WDR41: variants seen among roughly 807,000 people sequenced by gnomAD.
WDR41 encodes the protein WD repeat-containing protein 41.
Under a neutral mutation model 69.3 loss-of-function variants are expected in WDR41, and 63 were observed. The observed-to-expected ratio is 0.91, with a 90% CI of 0.74 to 1.12. WDR41 has a LOEUF of 1.12. Ranked by LOEUF, WDR41 falls within the 50% of genes most tolerant of loss-of-function variation. The pLI, the probability that WDR41 is intolerant of heterozygous loss-of-function variation, is 0.00. For synonymous variants in WDR41, 185 were observed against 192.1 expected, an observed-to-expected ratio of 0.96 and a Z score of 0.31; for missense variants, 543 against 534.5, an observed-to-expected ratio of 1.02 and a Z score of -0.16.
chr5:77,613,765 C>T (rs960724652), intron 1 of WDR41, among the ~76,000 whole-genome samples: 9 of 152,216 alleles, frequency 5.9e-5, no homozygotes, highest in Non-Finnish European at 1.3e-4. Context: ...ACACCAAAAG[C>T]AATGGCAACA....
At chr5:77,594,719 C>T (rs763606360) in intron 1 of WDR41, among the ~76,000 whole-genome samples, 3 of 152,252 alleles carry the variant, frequency 2.0e-5, no homozygotes, top group South Asian at 4.1e-4. Context: ...CGTAACAGAG[C>T]CCTTCACTGT....
At chr5:77,512,449 G>A (rs1180413889) in intron 1 of WDR41, among the ~76,000 whole-genome samples, 1 of 150,816 alleles carries the variant, frequency 6.6e-6, no homozygotes, top group African/African-American at 2.4e-5. Context: ...AAAGTCTTTG[G>A]ACATAAAATT....
At chr5:77,475,239 G>A (rs1292400440) in intron 2 of WDR41, among the ~76,000 whole-genome samples, 3 of 152,210 alleles carry the variant, frequency 2.0e-5, no homozygotes, top group Non-Finnish European at 4.4e-5. Context: ...CAGGCTGGGG[G>A]AGGGGCGCCC....
At chr5:77,500,633 A>G (rs146993857) in intron 1 of WDR41, among the ~76,000 whole-genome samples, 76 of 152,306 alleles carry the variant, frequency 5.0e-4, no homozygotes, top group African/African-American at 1.7e-3. Context: ...TTCAAGCTCA[A>G]ATAGGTAACC....
chr5:77,509,322 C>T (rs1802160517), intron 1 of WDR41, among the ~76,000 whole-genome samples: 1 of 152,086 alleles, frequency 6.6e-6, no homozygotes, highest in Non-Finnish European at 1.5e-5. Flanking sequence ...TGGAATTCCC[C>T]TTTGAATTCC....
chr5:77,489,391 T>C, intron 2 of WDR41, 66 bp downstream of exon 2: 1 of 912,220 alleles, frequency 1.1e-6, no homozygotes, highest in South Asian at 2.0e-5. Flanking sequence ...TTTAAAGGTG[T>C]TTAACATAAA....
intron 1 of WDR41, among the ~76,000 whole-genome samples, chr5:77,557,859 G>A (rs1164632758): frequency 6.6e-6 from 1 of 152,074 alleles, no homozygotes; most frequent in African/African-American, 2.4e-5. Flanking sequence ...TTAGGTGAGA[G>A]TTAAAAGTAA....
intron 1 of WDR41, chr5:77,499,250 G>A (rs1801982090): frequency 6.6e-6 from 1 of 152,228 alleles, no homozygotes; most frequent in Non-Finnish European, 1.5e-5. Context: ...TTTTTCTTCA[G>A]CAGCTTCCCC....
At chr5:77,462,000 T>C (rs927829247) in intron 4 of WDR41, among the ~76,000 whole-genome samples, 1 of 152,216 alleles carries the variant, frequency 6.6e-6, no homozygotes, top group African/African-American at 2.4e-5. Context: ...AGTGCAGTGG[T>C]TCGGGGCTCT....
chr5:77,433,235 A>G lies in WDR41; in HGVS notation c.1280T>C (p.Leu427Pro). The change falls in exon 13 of 13, where the codon CTC becomes CCC. Residue 427 changes from leucine (L) to proline (P), a missense_variant. Coordinates refer to ENST00000296679, the MANE Select transcript of WDR41 (RefSeq NM_018268.4). ...HGLVTCSADH[L>P]IILWKNGERE... ...CTCTCCATTTTTCCACAAAATAATGAGATGATCAGCGGAGCACGTCACTAG... is the reference window on the plus strand; with the variant it reads ...CTCTCCATTTTTCCACAAAATAATGGGATGATCAGCGGAGCACGTCACTAG... 1 of 1,614,066 alleles carries G rather than the reference A, an allele frequency of 6.2e-7. No homozygotes were observed. Among genetic ancestry groups the G allele is most frequent in the Non-Finnish European group, 8.5e-7 (1 of 1,179,944 alleles).
At chr5:77,459,170 T>C (rs746457964) in intron 4 of WDR41, 46 bp from the exon 5 acceptor site, 2 of 1,382,152 alleles carry the variant, frequency 1.4e-6, no homozygotes, top group Non-Finnish European at 2.0e-6. Context: ...TTTTAAAATC[T>C]TAATTATAAC....
intron 9 of WDR41, among the ~76,000 whole-genome samples, chr5:77,439,203 T>C (rs1253133191): frequency 1.3e-5 from 2 of 152,142 alleles, no homozygotes; most frequent in African/African-American, 4.8e-5. Flanking sequence ...TCAATAGATA[T>C]CCCCATGAGG....
At position 77,463,129 on chromosome 5, in the gene WDR41, A is replaced by T; in HGVS notation, c.314T>A (p.Leu105His). The T allele has an allele frequency of 6.2e-7, 1 of 1,612,536 alleles. No individual in the cohort carries two copies. The highest frequency in any genetic ancestry group is 8.5e-7 in the Non-Finnish European group (1 of 1,179,328). The change falls in exon 4 of 13, where the codon CTC (leucine) becomes CAC (histidine). Residue 105 changes from leucine (L) to histidine (H), a missense_variant. By Grantham distance (99) the Leu-to-His change is moderately conservative (BLOSUM62 -3). Coordinates refer to ENST00000296679, the MANE Select transcript of WDR41 (RefSeq NM_018268.4). ...TCTATCAGCAGAGGCTGTCAAGATG[A>T]GTTGATTTTTCTCTTCACAAGATTC... ...SLESCEEKNQ[L>H]ILTASADRTV...
At chr5:77,583,349 TAA>T (rs773427037) in intron 1 of WDR41, among the ~76,000 whole-genome samples, 13 of 136,758 alleles carry the variant, frequency 9.5e-5, no homozygotes, top group East Asian at 2.1e-4. Flanking sequence ...ACTCCATCTC[TAA>T]AAAAAAAAAA....
At chr5:77,536,362 A>G (rs1198124984) in intron 1 of WDR41, among the ~76,000 whole-genome samples, 1 of 152,082 alleles carries the variant, frequency 6.6e-6, no homozygotes. Context: ...AAAACTACCT[A>G]TAAATGAAAC....
upstream of WDR41, among the ~76,000 whole-genome samples, chr5:77,494,552 G>T (rs1028671862): frequency 5.3e-5 from 8 of 151,998 alleles, no homozygotes; most frequent in African/African-American, 1.4e-4. Flanking sequence ...AATCAAAAAA[G>T]TTTTCAAAGA....
chr5:77,594,538 A>G (rs980614204), intron 1 of WDR41, among the ~76,000 whole-genome samples: 2 of 152,218 alleles, frequency 1.3e-5, no homozygotes, highest in African/African-American at 4.8e-5. Flanking sequence ...ACAATGGTAT[A>G]CAGAATTTAT....
intron 1 of WDR41, among the ~76,000 whole-genome samples, chr5:77,558,868 T>G (rs115916618): frequency 0.031 from 3,598 of 114,306 alleles, 139 homozygotes; most frequent in African/African-American, 0.12. Context: ...TTCAAAATAA[T>G]AAAGTCATTG....
chr5:77,579,458 C>T (rs953009757), intron 1 of WDR41, among the ~76,000 whole-genome samples: 1 of 151,958 alleles, frequency 6.6e-6, no homozygotes, highest in Non-Finnish European at 1.5e-5. Flanking sequence ...CAACAAAACT[C>T]AATAAGATTA....
Sources: allele counts gnomAD v4.1 joint callset (sites outside exome capture counted in the v4.1 genomes callset), GRCh38; gene constraint gnomAD v4.1.1; transcripts MANE v1.5; gene names NCBI Gene and HGNC (gene_info 2026-07-23, HGNC 2026-07-21).